The following PREPL variants were observed in gnomAD, a reference collection of about 807,000 sequenced individuals.
The protein encoded by PREPL is prolyl endopeptidase like, also known as prolyl endopeptidase-like.
A neutral mutation model predicts 70.6 loss-of-function variants in PREPL; 77 were observed. The ratio of observed to expected loss-of-function variants is 1.09; its 90% CI spans 0.91 to 1.32. The LOEUF is 1.32. Ranked by LOEUF, PREPL falls within the 40% of genes most tolerant of loss-of-function variation. The pLI is 0.00. For synonymous variants in PREPL, 315 were observed against 264.8 expected (o/e 1.19, Z -1.84); for missense variants, 1,002 against 778.2 (o/e 1.29, Z -3.42).
rs1428593275 is a variant in PREPL at position 44,318,128 on chromosome 2, T to C, written c.*3228A>G. ...TTTTTTTTGAGACAGTCTTGCTCCG[T>C]CACCCATGCTCGAGTGCAGTGGCGT... On this transcript the variant is annotated 3_prime_UTR_variant, in exon 14 of 14. Transcript: ENST00000409411. 2 of 444,512 alleles carry C rather than the reference T, an allele frequency of 4.5e-6. No homozygotes were observed. The highest frequency in any genetic ancestry group is 1.6e-5 in the South Asian group (1 of 63,616). 27.5% of individuals were successfully genotyped at this position (444,512 alleles called of 1,614,324 possible). A position where few individuals can be genotyped will look rare whatever the true frequency, so the allele number is the denominator to read the frequency against.
chr2:44,320,157 T>G lies in PREPL; in HGVS notation c.*1199A>C. On this transcript the variant is annotated 3_prime_UTR_variant, in exon 14 of 14. Transcript: ENST00000409411. ...TATTAAAAATACTTACAAACAATTC[T>G]TAGAATCAAACACTTACGTAAATAC... 2 of 1,497,084 alleles carry G rather than the reference T, an allele frequency of 1.3e-6. No individual in the cohort carries two copies. The highest frequency in any genetic ancestry group is 1.8e-6 in the Non-Finnish European group (2 of 1,081,758). 92.7% of individuals were successfully genotyped at this position (1,497,084 alleles called of 1,614,324 possible).
At chr2:44,338,598 G>T in intron 6 of PREPL, 62 bp from the exon 7 acceptor site, 1 of 1,354,522 alleles carries the variant, frequency 7.4e-7, no homozygotes, top group Non-Finnish European at 1.0e-6. Context: ...AGCATCCAGA[G>T]ATGCAATCAC....
At chr2:44,334,086 A>C (rs1423010407) in intron 7 of PREPL, among the ~76,000 whole-genome samples, 1 of 152,218 alleles carries the variant, frequency 6.6e-6, no homozygotes, top group Non-Finnish European at 1.5e-5. Context: ...AAACTGTTTC[A>C]AGGCTATGGA....
intron 1 of PREPL, among the ~76,000 whole-genome samples, chr2:44,351,028 T>C (rs1370506700): frequency 1.3e-5 from 2 of 151,810 alleles, no homozygotes; most frequent in Admixed American, 6.6e-5. Context: ...GTTCAAGCGA[T>C]TCTCCTGCCT....
At chr2:44,326,602 T>C in intron 10 of PREPL, 110 bp downstream of exon 10, 1 of 1,146,932 alleles carries the variant, frequency 8.7e-7, no homozygotes, top group Non-Finnish European at 1.3e-6. Context: ...CCCGAAGTGC[T>C]GGGATTACAG....
At chr2:44,359,361 T>C (rs2104266222) in intron 1 of PREPL, 2 of 731,542 alleles carry the variant, frequency 2.7e-6, no homozygotes, top group East Asian at 5.4e-5. Context: ...CTAGAGACAA[T>C]TGAGACTTGA....
intron 6 of PREPL, 54 bp downstream of exon 6, chr2:44,339,093 G>T (rs960771919): frequency 1.0e-4 from 162 of 1,596,286 alleles, no homozygotes; most frequent in Admixed American, 8.5e-5. Flanking sequence ...GTTGTTGATC[G>T]AAGTGTGACA....
intron 4 of PREPL, 90 bp downstream of exon 4, chr2:44,343,655 C>T (rs1210151257): frequency 1.0e-5 from 12 of 1,172,262 alleles, no homozygotes; most frequent in African/African-American, 1.5e-5. Flanking sequence ...AGGCATTCAC[C>T]TTCTCCCTCC....
intron 7 of PREPL, among the ~76,000 whole-genome samples, chr2:44,336,061 C>G (rs890878747): frequency 2.4e-4 from 36 of 152,008 alleles, no homozygotes; most frequent in African/African-American, 8.5e-4. Flanking sequence ...ATAACAGATG[C>G]TGGTGAGGCT....
intron 8 of PREPL, among the ~76,000 whole-genome samples, 188 bp downstream of exon 8, chr2:44,332,271 T>C (rs1365008062): frequency 1.3e-5 from 2 of 152,188 alleles, no homozygotes; most frequent in Non-Finnish European, 2.9e-5. Flanking sequence ...TTCTAATCCA[T>C]GTTAAAACAA....
At chr2:44,327,008 G>GGC in intron 9 of PREPL, 80 bp from the exon 10 acceptor site, 9 of 1,232,390 alleles carry the variant, frequency 7.3e-6, no homozygotes, top group Non-Finnish European at 8.1e-6. Context: ...TACACCTGGA[G>GGC]GCCTGTTTTT....
intron 3 of PREPL, 55 bp downstream of exon 3, chr2:44,344,465 T>A: frequency 8.1e-7 from 1 of 1,238,182 alleles, no homozygotes; most frequent in South Asian, 1.5e-5. Flanking sequence ...AAATTTCCTA[T>A]AAAAAATATG....
intron 5 of PREPL, among the ~76,000 whole-genome samples, chr2:44,339,974 T>C (rs1009707497): frequency 6.6e-6 from 1 of 152,100 alleles, no homozygotes; most frequent in African/African-American, 2.4e-5. Context: ...ACATAGCTAT[T>C]TTACTTTTTA....
rs1466734556 is a variant in PREPL, at chr2:44,318,382, TGCCTG to T, written c.*2969_*2973del. On this transcript the variant is annotated 3_prime_UTR_variant, in exon 14 of 14. Transcript: ENST00000409411. ...CTAGGATTACGGGCCTGAGCCACCT[TGCCTG>T]GCCTGCAAAATTTGTTTTTAATAGA... 7 of 179,352 alleles carry T rather than the reference TGCCTG, an allele frequency of 3.9e-5. No homozygotes were observed. The highest frequency in any genetic ancestry group is 8.4e-5 in the Non-Finnish European group (7 of 83,494). 11.1% of individuals were successfully genotyped at this position (179,352 alleles called of 1,614,324 possible). A position where few individuals can be genotyped will look rare whatever the true frequency, so the allele number is the denominator to read the frequency against.
At position 44,342,479 on chromosome 2, in the gene PREPL, T is replaced by C; in HGVS notation, c.423A>G (p.Val141=). 6 of 1,613,300 alleles carry C rather than the reference T, an allele frequency of 3.7e-6. No homozygotes were observed. The highest frequency in any genetic ancestry group is 1.7e-5 in the Admixed American group (1 of 59,978). The change falls in exon 5 of 14, where the codon GTA becomes GTG. Residue 141 remains valine (V), a synonymous_variant. Coordinates refer to ENST00000409411, the MANE Select transcript of PREPL (RefSeq NM_001171613.2). The stretch of plus-strand genomic sequence containing the variant: ...TGTTATCACCAAAAGTGGCTCGATA[T>C]ACGTCATGACAGCGAAGGTTCCTCT... ...TFQRNLRCHD[V]YRATFGDNKR...
intron 11 of PREPL, 68 bp downstream of exon 11, chr2:44,323,194 G>T: frequency 1.4e-6 from 2 of 1,425,416 alleles, no homozygotes. Flanking sequence ...GCTTCAGCTT[G>T]GATAAGTTTT....
At position 44,338,547 on chromosome 2, in the gene PREPL, CAA is replaced by C. The variant is rs771097093; in HGVS notation, c.703-13_703-12del. 1 of 1,593,138 alleles carries C rather than the reference CAA, an allele frequency of 6.3e-7. No homozygotes were observed. The highest frequency in any genetic ancestry group is 8.5e-7 in the Non-Finnish European group (1 of 1,173,378). On this transcript the variant is annotated splice_polypyrimidine_tract_variant and intron_variant, in intron 6 of 13. Transcript: ENST00000409411. The stretch of plus-strand genomic sequence containing the variant: ...CGCTGTTCTCATTAGCTACGTGGAA[CAA>C]AGTTAGAAGACATATAGGTAAGAAA...
intron 2 of PREPL, 151 bp from the exon 3 acceptor site, chr2:44,344,737 A>C: frequency 1.8e-6 from 1 of 542,852 alleles, no homozygotes; most frequent in South Asian, 4.1e-5. Flanking sequence ...AAAATTGACC[A>C]TTTTTACAAT....
At chr2:44,336,365 A>G (rs1432772388) in intron 7 of PREPL, among the ~76,000 whole-genome samples, 2 of 152,188 alleles carry the variant, frequency 1.3e-5, no homozygotes, top group Admixed American at 6.5e-5. Flanking sequence ...AGCCATAAAA[A>G]AGAGATAATG....
Sources: allele counts gnomAD v4.1 joint callset (sites outside exome capture counted in the v4.1 genomes callset), GRCh38; gene constraint gnomAD v4.1.1; transcripts MANE v1.5; gene names NCBI Gene and HGNC (gene_info 2026-07-23, HGNC 2026-07-21).